The following MROH9 variants were observed in gnomAD, a reference collection of about 807,000 sequenced individuals.
MROH9 encodes maestro heat like repeat family member 9.
Under a neutral mutation model 98.2 loss-of-function variants are expected in MROH9, and 92 were observed. The ratio of observed to expected loss-of-function variants is 0.94; its 90% CI spans 0.79 to 1.11. The LOEUF (loss-of-function observed/expected upper bound fraction) is 1.11. Among genes scored for constraint, MROH9 ranks in the 50% most tolerant of loss-of-function variants. The pLI is 0.00. For synonymous variants in MROH9, 397 were observed against 368.9 expected (o/e 1.08, Z -0.87); for missense variants, 1,057 against 1,014.8 (o/e 1.04, Z -0.57).
At position 171,016,353 on chromosome 1, in the gene MROH9, G is replaced by T. The variant is rs1284554250; in HGVS notation, c.1908+17G>T. The T allele has an allele frequency of 6.9e-7, 1 of 1,440,072 alleles. No individual in the cohort carries two copies. The highest frequency in any genetic ancestry group is 2.8e-5 in the East Asian group (1 of 36,282). 89.2% of individuals were successfully genotyped at this position (1,440,072 alleles called of 1,614,324 possible). On this transcript the variant is annotated intron_variant, in intron 17 of 21. Coordinates refer to ENST00000367759, the MANE Select transcript of MROH9 (RefSeq NM_001163629.2). ...ATGGATCATGTGAGTTACACAGTTA[G>T]ATATGTGAGATCATTAGGTTTTGTG...
chr1:171,003,657 A>G (rs1229266844), intron 15 of MROH9, among the ~76,000 whole-genome samples: 2 of 152,148 alleles, frequency 1.3e-5, no homozygotes, highest in Non-Finnish European at 2.9e-5. Context: ...TGGAGGGTGC[A>G]ATGGACTCTG....
intron 6 of MROH9, among the ~76,000 whole-genome samples, chr1:170,962,656 G>C (rs993550629): frequency 6.6e-6 from 1 of 151,676 alleles, no homozygotes; most frequent in Non-Finnish European, 1.5e-5. Context: ...AAGCAGTATT[G>C]GTATTTATGA....
At chr1:170,976,240 T>C (rs1650681834) in intron 8 of MROH9, among the ~76,000 whole-genome samples, 2 of 152,320 alleles carry the variant, frequency 1.3e-5, no homozygotes, top group South Asian at 2.1e-4. Flanking sequence ...CTTTACAGTA[T>C]TACTGGTCTG....
intron 10 of MROH9, 56 bp from the exon 11 acceptor site, chr1:170,989,799 T>G (rs1651280842): frequency 6.6e-7 from 1 of 1,517,762 alleles, no homozygotes; most frequent in African/African-American, 1.4e-5. Flanking sequence ...ATGCCTTGGT[T>G]TAGAGGTGAC....
chr1:171,016,262 T>C lies in MROH9; in HGVS notation c.1834T>C (p.Leu612=). 1 of 1,540,112 alleles carries C rather than the reference T, an allele frequency of 6.5e-7. No homozygotes were observed. Among genetic ancestry groups the C allele is most frequent in the Admixed American group, 2.0e-5 (1 of 49,238 alleles). Residue 612 remains leucine, a synonymous_variant, in exon 17 of 22, where the codon TTA becomes CTA. Transcript: ENST00000367759. The part of the protein sequence containing the change: ...LQALLTLRRL[L]NELDKVTYSL... ...GGCCTTGCTCACCCTTAGAAGGCTT[T>C]TAAACGAACTGGACAAAGTGACCTA...
intron 11 of MROH9, among the ~76,000 whole-genome samples, chr1:170,990,875 A>G (rs1295200461): frequency 6.6e-6 from 1 of 152,228 alleles, no homozygotes; most frequent in Non-Finnish European, 1.5e-5. Context: ...GGGCATTGAA[A>G]TAAACAAAAC....
intron 20 of MROH9, among the ~76,000 whole-genome samples, chr1:171,048,390 T>C (rs1280796394): frequency 6.6e-6 from 1 of 151,880 alleles, no homozygotes; most frequent in Non-Finnish European, 1.5e-5. Flanking sequence ...TCCTCTCCCC[T>C]CTCCAAAGGC....
chr1:171,046,107 A>C (rs971580052), intron 20 of MROH9, among the ~76,000 whole-genome samples: 1 of 152,104 alleles, frequency 6.6e-6, no homozygotes, highest in Non-Finnish European at 1.5e-5. Flanking sequence ...ATATAAGTAT[A>C]GTGACTCTTC....
intron 6 of MROH9, among the ~76,000 whole-genome samples, chr1:170,963,019 G>T (rs370806160): frequency 6.6e-6 from 1 of 151,642 alleles, no homozygotes; most frequent in Non-Finnish European, 1.5e-5. Context: ...TCTGCCCAGC[G>T]AAAGAAACTA....
intron 10 of MROH9, among the ~76,000 whole-genome samples, chr1:170,988,663 T>C (rs1651239223): frequency 6.6e-6 from 1 of 152,192 alleles, no homozygotes; most frequent in African/African-American, 2.4e-5. Context: ...TTGTCTTAGA[T>C]GGGGTTAGGT....
intron 3 of MROH9, among the ~76,000 whole-genome samples, chr1:170,953,626 G>A (rs1251576502): frequency 6.6e-6 from 1 of 151,818 alleles, no homozygotes; most frequent in African/African-American, 2.4e-5. Flanking sequence ...AGCTTAAGGA[G>A]ATGTTCTTCA....
rs112675540 is a variant in MROH9 at position 171,052,507 on chromosome 1, G to A, written c.2282-9625G>A. On this transcript the variant is annotated intron_variant, in intron 20 of 21. Transcript: ENST00000367759. The stretch of plus-strand genomic sequence containing the variant: ...TAGAATAGTGGGTACTCCAAATGCC[G>A]GGAGATATGTCCAGGTATAGAGCGA... Among the ~76,000 whole-genome samples the A allele has an allele frequency of 1.6e-3, 249 of 152,280 alleles. 1 individual carries two copies. The highest frequency in any genetic ancestry group is 2.4e-3 in the Non-Finnish European group (166 of 68,016).
At chr1:171,059,336 G>A (rs1157060726) in intron 20 of MROH9, among the ~76,000 whole-genome samples, 2 of 152,162 alleles carry the variant, frequency 1.3e-5, no homozygotes, top group Non-Finnish European at 2.9e-5. Flanking sequence ...AAACCACAAT[G>A]AGATACCATC....
Position 170,990,018 on chromosome 1 carries a change from C to T in MROH9, c.1028+15C>T, listed in dbSNP as rs749974210. 2 of 1,597,880 alleles carry T rather than the reference C, an allele frequency of 1.3e-6. No individual in the cohort carries two copies. Among genetic ancestry groups the T allele is most frequent in the Admixed American group, 3.4e-5 (2 of 59,426 alleles). On this transcript the variant is annotated intron_variant, in intron 11 of 21. Coordinates refer to ENST00000367759, the MANE Select transcript of MROH9 (RefSeq NM_001163629.2). ...CCAGCAGACGAGTAAGGCCCCCCAA[C>T]CCTCTGTCCCTTCCACAAGGGCTTG... is the stretch of plus-strand genomic sequence containing the variant.
At chr1:170,944,388 C>T (rs1323737142) in intron 1 of MROH9, among the ~76,000 whole-genome samples, 4 of 151,726 alleles carry the variant, frequency 2.6e-5, no homozygotes, top group Non-Finnish European at 5.9e-5. Context: ...AAGGTAACAA[C>T]AACAACAACA....
At chr1:170,984,831 T>C (rs1044912194) in intron 9 of MROH9, among the ~76,000 whole-genome samples, 6 of 152,136 alleles carry the variant, frequency 3.9e-5, no homozygotes, top group South Asian at 4.1e-4. Context: ...CTGGAAAACC[T>C]GGAGTTGGGA....
intron 20 of MROH9, among the ~76,000 whole-genome samples, chr1:171,044,368 A>G (rs1171723317): frequency 6.6e-6 from 1 of 152,090 alleles, no homozygotes; most frequent in African/African-American, 2.4e-5. Flanking sequence ...ATTTGCTAGT[A>G]TTTTGTTGAG....
chr1:170,986,416 A>G lies in MROH9; in HGVS notation c.730-145A>G. On this transcript the variant is annotated intron_variant, in intron 9 of 21. Transcript: ENST00000367759. ...TAATTTTTAATATTTTTCATGGAAG[A>G]GAGAGACTCCAACAAGATGTATATG... is the stretch of plus-strand genomic sequence containing the variant. 3.3e-6 allele frequency: 2 copies of G among 607,836 alleles called. 1 individual carries two copies. The highest frequency in any genetic ancestry group is 5.4e-6 in the Non-Finnish European group (2 of 367,864). 37.7% of individuals were successfully genotyped at this position (607,836 alleles called of 1,614,324 possible).
At chr1:170,957,795 G>GTTTTTTTTTTT (rs71573033) in intron 3 of MROH9, among the ~76,000 whole-genome samples, 1 of 124,646 alleles carries the variant, frequency 8.0e-6, no homozygotes, top group African/African-American at 2.7e-5. Context: ...GCATTTTTTT[G>GTTTTTTTTTTT]TTTTTTTTTT....
Sources: allele counts gnomAD v4.1 joint callset (sites outside exome capture counted in the v4.1 genomes callset), GRCh38; gene constraint gnomAD v4.1.1; transcripts MANE v1.5; gene names NCBI Gene and HGNC (gene_info 2026-07-23, HGNC 2026-07-21).